The following HHAT variants were observed in gnomAD, a reference collection of about 807,000 sequenced individuals.
HHAT encodes protein-cysteine N-palmitoyltransferase HHAT.
HHAT carries 47 observed loss-of-function variants against 70.8 expected under a neutral mutation model. That is an observed-to-expected ratio of 0.66 (90% CI 0.53 to 0.85). The LOEUF is 0.85. HHAT is among the 40% of genes least tolerant of loss of function. The pLI, the probability that HHAT is intolerant of heterozygous loss-of-function variation, is 0.00. For missense variants in HHAT, 609 were observed against 604.8 expected, an observed-to-expected ratio of 1.01 and a Z score of -0.07; for synonymous variants, 228 against 247.6, an observed-to-expected ratio of 0.92 and a Z score of 0.74.
rs1335743232 is a variant in HHAT, at chr1:210,560,834, A to C, written c.1044-27064A>C. On this transcript the variant is annotated intron_variant, in intron 9 of 11. Transcript: ENST00000261458. ...TGTCTTAAAAAAAAAAAAAAAAAAA[A>C]AAAAAAAAAAAAAAAAACCAGAGTA... 2.1e-4 allele frequency among the ~76,000 whole-genome samples: 31 copies of C among 145,590 alleles called. 1 individual carries two copies. The highest frequency in any genetic ancestry group is 7.6e-4 in the African/African-American group (29 of 37,982).
intron 8 of HHAT, among the ~76,000 whole-genome samples, chr1:210,472,852 A>T (rs6540595): frequency 2.0e-5 from 3 of 152,040 alleles, no homozygotes; most frequent in African/African-American, 7.2e-5. Context: ...TCATAGGTGG[A>T]TTTCAAGATT....
intron 9 of HHAT, among the ~76,000 whole-genome samples, chr1:210,521,585 T>C (rs1057400469): frequency 1.3e-5 from 2 of 152,218 alleles, no homozygotes; most frequent in African/African-American, 4.8e-5. Context: ...TAGTTAATTG[T>C]AACATTCCTG....
intron 6 of HHAT, among the ~76,000 whole-genome samples, chr1:210,410,707 G>A (rs568130523): frequency 1.3e-4 from 20 of 151,734 alleles, no homozygotes; most frequent in African/African-American, 4.6e-4. Flanking sequence ...TGTATTTTTA[G>A]TAGAGACAGG....
At chr1:210,502,628 C>G (rs2094781113) in intron 8 of HHAT, among the ~76,000 whole-genome samples, 1 of 152,152 alleles carries the variant, frequency 6.6e-6, no homozygotes, top group Non-Finnish European at 1.5e-5. Flanking sequence ...GAGCCAGGCT[C>G]TGTTAGGTAC....
chr1:210,629,953 C>T (rs890430848), intron 11 of HHAT, among the ~76,000 whole-genome samples: 1 of 152,016 alleles, frequency 6.6e-6, no homozygotes, highest in Non-Finnish European at 1.5e-5. Context: ...AGGTATTCTC[C>T]TGCTTCAGCC....
rs909340104 is a variant in HHAT, at chr1:210,344,412, C to T, written c.-43-4521C>T. Among the ~76,000 whole-genome samples the T allele has an allele frequency of 4.6e-5, 7 of 152,220 alleles. No individual in the cohort carries two copies. In the South Asian group the frequency reaches 1.5e-3, roughly 32 times the overall value. On this transcript the variant is annotated intron_variant, in intron 1 of 11. Transcript: ENST00000261458. ...GTTTTCTCTGGGTACTTGGTTTCCT[C>T]CCACATCCCACAGCTGTGCCCATTA...
At chr1:210,643,221 C>CTTAATTAAGAAT (rs1673321623) in intron 11 of HHAT, among the ~76,000 whole-genome samples, 2 of 152,152 alleles carry the variant, frequency 1.3e-5, no homozygotes, top group Admixed American at 1.3e-4. Flanking sequence ...GAATGTAATT[C>CTTAATTAAGAAT]CTTAATCTTC....
At chr1:210,606,603 C>A (rs1665502624) in intron 10 of HHAT, among the ~76,000 whole-genome samples, 1 of 152,178 alleles carries the variant, frequency 6.6e-6, no homozygotes, top group Admixed American at 6.5e-5. Flanking sequence ...TGCACTGATG[C>A]TTCCCTTCTC....
intron 6 of HHAT, among the ~76,000 whole-genome samples, chr1:210,417,849 C>T: frequency 6.6e-6 from 1 of 152,126 alleles, no homozygotes; most frequent in East Asian, 1.9e-4. Context: ...GAGTGCTGCC[C>T]TCCCCGCTTG....
At chr1:210,367,048 T>C (rs1455948551) in intron 3 of HHAT, among the ~76,000 whole-genome samples, 1 of 152,220 alleles carries the variant, frequency 6.6e-6, no homozygotes, top group African/African-American at 2.4e-5. Context: ...AACATTCCTA[T>C]GCTAGTTTCT....
intron 1 of HHAT, among the ~76,000 whole-genome samples, chr1:210,341,957 C>T (rs954182305): frequency 5.3e-5 from 8 of 152,036 alleles, no homozygotes; most frequent in South Asian, 4.1e-4. Context: ...CACGTTCTAC[C>T]GCTTTGTCCT....
intron 3 of HHAT, among the ~76,000 whole-genome samples, chr1:210,383,325 G>A (rs1264789157): frequency 4.2e-5 from 4 of 95,050 alleles, no homozygotes; most frequent in Non-Finnish European, 8.1e-5. Context: ...GGGCAGCAGA[G>A]CGAGACTGTC....
intron 8 of HHAT, among the ~76,000 whole-genome samples, chr1:210,466,769 A>AT (rs11376201): frequency 0.41 from 61,254 of 150,936 alleles, 13,323 homozygotes; most frequent in African/African-American, 0.55. Flanking sequence ...TATTTTAATA[A>AT]TTTTTTTTTT....
chr1:210,395,265 T>C (rs2091720331), intron 4 of HHAT, among the ~76,000 whole-genome samples: 1 of 152,194 alleles, frequency 6.6e-6, no homozygotes, highest in Non-Finnish European at 1.5e-5. Context: ...CCACCAGGCA[T>C]ACCCTATTAT....
chr1:210,473,791 C>G (rs1454403505), intron 8 of HHAT, among the ~76,000 whole-genome samples: 1 of 151,886 alleles, frequency 6.6e-6, no homozygotes, highest in Non-Finnish European at 1.5e-5. Context: ...GTCCTCCTTG[C>G]TAATGAAAAA....
intron 7 of HHAT, among the ~76,000 whole-genome samples, chr1:210,423,604 G>A (rs1213302446): frequency 6.6e-6 from 1 of 152,092 alleles, no homozygotes; most frequent in Non-Finnish European, 1.5e-5. Flanking sequence ...CTGTGCTTTA[G>A]AAGTCTTATT....
At chr1:210,634,055 G>A (rs1671394150) in intron 11 of HHAT, among the ~76,000 whole-genome samples, 1 of 152,180 alleles carries the variant, frequency 6.6e-6, no homozygotes, top group African/African-American at 2.4e-5. Flanking sequence ...CCTGATATCA[G>A]TAAAATGAAA....
intron 2 of HHAT, among the ~76,000 whole-genome samples, chr1:210,353,453 TTAAA>T (rs376527933): frequency 0.011 from 736 of 64,418 alleles, 4 homozygotes; most frequent in Non-Finnish European, 0.02. Context: ...TTTTTTTTTT[TTAAA>T]AAAAAGCACC....
chr1:210,561,277 TC>T (rs1350487541), intron 9 of HHAT, among the ~76,000 whole-genome samples: 1 of 152,204 alleles, frequency 6.6e-6, no homozygotes, highest in Non-Finnish European at 1.5e-5. Context: ...TGAAAATAAA[TC>T]TATTCATAGT....
Sources: gnomAD v4.1 joint callset for allele counts (sites outside exome capture counted in the v4.1 genomes callset) on GRCh38, gnomAD v4.1.1 for gene constraint, MANE v1.5 for transcripts, NCBI Gene and HGNC (gene_info 2026-07-23, HGNC 2026-07-21) for gene names.